Variants in KCMF1 observed in about 807,000 individuals in gnomAD.
The protein encoded by KCMF1 is E3 ubiquitin-protein ligase KCMF1.
KCMF1 carries 3 observed loss-of-function variants against 41.1 expected under a neutral mutation model. That is an observed-to-expected ratio of 0.07 (90% CI 0.03 to 0.19). The LOEUF is 0.19. Among genes scored for constraint, KCMF1 ranks in the 10% least tolerant of loss-of-function variants. KCMF1 has a pLI of 1.00. For missense variants in KCMF1, 286 were observed against 488.9 expected (o/e 0.58, Z 3.91); for synonymous variants, 142 against 164.5 (o/e 0.86, Z 1.04).
Position 84,996,255 on chromosome 2 carries a change from A to C in KCMF1, c.16+24788A>C, listed in dbSNP as rs1674173472. 2.6e-5 allele frequency among the ~76,000 whole-genome samples: 4 copies of C among 152,232 alleles called. No individual in the cohort carries two copies. The South Asian group carries it at 8.3e-4, about 32-fold the overall frequency. On this transcript the variant is annotated intron_variant, in intron 1 of 6. Coordinates refer to ENST00000409785, the MANE Select transcript of KCMF1 (RefSeq NM_020122.5). ...TGTCTGTTACACTGCAGGTGTCTAG[A>C]ATTGCTGATAGTGTTCTCCCTCTAA... is the stretch of plus-strand genomic sequence containing the variant.
chr2:84,992,928 C>T (rs1022306047), intron 1 of KCMF1, among the ~76,000 whole-genome samples: 4 of 152,124 alleles, frequency 2.6e-5, no homozygotes, highest in African/African-American at 9.7e-5. Flanking sequence ...TTCAGCTGGG[C>T]TCAGTGTATA....
intron 6 of KCMF1, among the ~76,000 whole-genome samples, chr2:85,051,910 T>C (rs371833094): frequency 5.9e-5 from 9 of 152,314 alleles, no homozygotes; most frequent in African/African-American, 1.9e-4. Context: ...GTCACACAGC[T>C]CTTATGTGAT....
intron 1 of KCMF1, among the ~76,000 whole-genome samples, chr2:85,008,317 A>G (rs1674540155): frequency 2.5e-5 from 2 of 81,206 alleles, no homozygotes; most frequent in Admixed American, 1.1e-4. Flanking sequence ...TATGATATAT[A>G]TATCATATAT....
intron 1 of KCMF1, among the ~76,000 whole-genome samples, chr2:84,977,902 TTAAAA>T (rs1362798530): frequency 1.3e-5 from 2 of 152,238 alleles, no homozygotes; most frequent in Admixed American, 1.3e-4. Flanking sequence ...CATGTTTAAG[TTAAAA>T]TGTAGTAAAA....
At chr2:85,052,807 G>C (rs1292467297) in intron 6 of KCMF1, among the ~76,000 whole-genome samples, 1 of 152,046 alleles carries the variant, frequency 6.6e-6, no homozygotes, top group African/African-American at 2.4e-5. Context: ...ATGAAATTCT[G>C]GTTAGATACT....
At chr2:84,975,512 A>C (rs977616436) in intron 1 of KCMF1, among the ~76,000 whole-genome samples, 13 of 152,186 alleles carry the variant, frequency 8.5e-5, no homozygotes, top group African/African-American at 2.9e-4. Context: ...TCCCCACCCT[A>C]CAGACCCTTA....
rs1384845222 is a variant in KCMF1, at chr2:84,987,986, C to T, written c.16+16519C>T. On this transcript the variant is annotated intron_variant, in intron 1 of 6. Transcript: ENST00000409785. Reference sequence around the variant, plus strand: ...CTGTAATCCCAGCACTTTGGGAGGCCGAGGCAGGCAGATCACCTGAGGTCG... The same window carrying T: ...CTGTAATCCCAGCACTTTGGGAGGCTGAGGCAGGCAGATCACCTGAGGTCG... Among the ~76,000 whole-genome samples the T allele has an allele frequency of 2.0e-5, 3 of 151,824 alleles. No individual in the cohort carries two copies. The South Asian group carries it at 6.2e-4, about 31-fold the overall frequency.
chr2:84,977,375 AAC>A (rs1673577076), intron 1 of KCMF1, among the ~76,000 whole-genome samples: 1 of 152,200 alleles, frequency 6.6e-6, no homozygotes, highest in Non-Finnish European at 1.5e-5. Flanking sequence ...GTCTTCTTAC[AAC>A]TTATTGTACT....
chr2:84,995,072 A>T (rs559868058), intron 1 of KCMF1, among the ~76,000 whole-genome samples: 2 of 149,962 alleles, frequency 1.3e-5, no homozygotes, highest in Middle Eastern at 6.8e-3. Flanking sequence ...CCCATGCTGG[A>T]GTGCAGTGGT....
intron 2 of KCMF1, among the ~76,000 whole-genome samples, chr2:85,033,153 T>C (rs1342062487): frequency 6.6e-6 from 1 of 152,208 alleles, no homozygotes; most frequent in Non-Finnish European, 1.5e-5. Flanking sequence ...AAATGGTCAA[T>C]ATATACATAA....
intron 2 of KCMF1, 93 bp from the exon 3 acceptor site, chr2:85,034,923 A>T: frequency 8.9e-7 from 1 of 1,121,118 alleles, no homozygotes; most frequent in Admixed American, 2.5e-5. Context: ...CTCCTGGCCC[A>T]CACTTTCTTT....
chr2:85,000,366 G>A lies in KCMF1; in HGVS notation c.17-27523G>A, dbSNP rs545210173. Reference sequence around the variant, plus strand: ...TCTCGATCTCCTGACCTCGTGATCCGCCCATCTCAACCTCCCAAAGTGCTG... The same window carrying A: ...TCTCGATCTCCTGACCTCGTGATCCACCCATCTCAACCTCCCAAAGTGCTG... On this transcript the variant is annotated intron_variant, in intron 1 of 6. Coordinates refer to ENST00000409785, the MANE Select transcript of KCMF1 (RefSeq NM_020122.5). Among the ~76,000 whole-genome samples the A allele has an allele frequency of 3.9e-5, 6 of 152,188 alleles. No individual in the cohort carries two copies. In the South Asian group the frequency reaches 8.3e-4, roughly 21 times the overall value.
intron 1 of KCMF1, among the ~76,000 whole-genome samples, chr2:85,013,293 G>A (rs905297569): frequency 6.6e-6 from 1 of 152,086 alleles, no homozygotes; most frequent in Non-Finnish European, 1.5e-5. Flanking sequence ...TATAGACCCA[G>A]GGCAGATCTT....
chr2:85,004,358 A>G (rs2103993682), intron 1 of KCMF1, among the ~76,000 whole-genome samples: 1 of 152,132 alleles, frequency 6.6e-6, no homozygotes, highest in African/African-American at 2.4e-5. Context: ...AAAAGTACAA[A>G]AAATTAGGCA....
intron 1 of KCMF1, among the ~76,000 whole-genome samples, chr2:84,973,486 C>T (rs1304911548): frequency 1.3e-5 from 2 of 152,138 alleles, no homozygotes; most frequent in African/African-American, 4.8e-5. Context: ...ATGTTAATGT[C>T]AGTAAATAGA....
chr2:85,044,027 A>G (rs1399332981), intron 4 of KCMF1, among the ~76,000 whole-genome samples: 2 of 152,218 alleles, frequency 1.3e-5, no homozygotes. Context: ...GTGAAAGTTG[A>G]CTTGTCCTTC....
At chr2:85,007,316 G>A (rs143986886) in intron 1 of KCMF1, among the ~76,000 whole-genome samples, 132 of 152,266 alleles carry the variant, frequency 8.7e-4, no homozygotes, top group African/African-American at 3.1e-3. Context: ...ACTATTAGGT[G>A]GAAGCCCTTA....
intron 1 of KCMF1, among the ~76,000 whole-genome samples, chr2:85,002,948 C>A (rs1422936177): frequency 6.6e-6 from 1 of 152,122 alleles, no homozygotes; most frequent in East Asian, 1.9e-4. Flanking sequence ...GAATGTAGTT[C>A]TTCACATATG....
At chr2:84,994,410 CTTTT>C (rs912547740) in intron 1 of KCMF1, among the ~76,000 whole-genome samples, 1 of 148,626 alleles carries the variant, frequency 6.7e-6, no homozygotes, top group African/African-American at 2.5e-5. Flanking sequence ...AACAATACTT[CTTTT>C]TTTTTTGAGA....
Sources: gnomAD v4.1 joint callset for allele counts (sites outside exome capture counted in the v4.1 genomes callset) on GRCh38, gnomAD v4.1.1 for gene constraint, MANE v1.5 for transcripts, NCBI Gene and HGNC (gene_info 2026-07-23, HGNC 2026-07-21) for gene names.